IGF2R: variants seen among roughly 807,000 people sequenced by gnomAD.
IGF2R encodes the protein cation-independent mannose-6-phosphate receptor.
In IGF2R, 91 loss-of-function variants were observed where a neutral mutation model predicts 270.6. That is an observed-to-expected ratio of 0.34 (90% confidence interval 0.28 to 0.40). The LOEUF is 0.40. Among genes scored for constraint, IGF2R ranks in the 10% least tolerant of loss-of-function variants. The pLI is 1.00. For missense variants in IGF2R, 2,805 were observed against 3,188.3 expected, an observed-to-expected ratio of 0.88 and a Z score of 2.90; for synonymous variants, 1,316 against 1,258.9, an observed-to-expected ratio of 1.05 and a Z score of -0.96.
chr6:160,056,561 G>A (rs1417247567), intron 20 of IGF2R, 36 bp downstream of exon 20: 2 of 1,370,276 alleles, frequency 1.5e-6, no homozygotes, highest in Non-Finnish European at 1.0e-6. Flanking sequence ...GTGCTGAGCT[G>A]CCTGCTGGAC....
chr6:160,072,939 C>CCTCAGT (rs1778776121), intron 33 of IGF2R, 55 bp downstream of exon 33: 2 of 1,556,208 alleles, frequency 1.3e-6, no homozygotes, highest in Non-Finnish European at 1.7e-6. Context: ...CTGGGGTTGT[C>CCTCAGT]CTCAGTCTCT....
chr6:160,059,141 G>C (rs1778377262), intron 22 of IGF2R, 43 bp downstream of exon 22: 1 of 1,556,136 alleles, frequency 6.4e-7, no homozygotes, highest in Non-Finnish European at 8.8e-7. Context: ...AAAGGGCCCT[G>C]GTGGCTCTGT....
intron 1 of IGF2R, among the ~76,000 whole-genome samples, chr6:159,973,588 T>C (rs1197858020): frequency 6.6e-6 from 1 of 152,194 alleles, no homozygotes; most frequent in Non-Finnish European, 1.5e-5. Flanking sequence ...ATATGCCTAA[T>C]TTGGGCCACA....
intron 44 of IGF2R, among the ~76,000 whole-genome samples, chr6:160,092,812 C>T (rs1226460410): frequency 6.6e-6 from 1 of 152,226 alleles, no homozygotes; most frequent in Non-Finnish European, 1.5e-5. Context: ...CGTCTCCTAC[C>T]CTGCACTCTC....
Position 160,102,986 on chromosome 6 carries a change from C to T in IGF2R, c.6995+315C>T, listed in dbSNP as rs1384496243. On this transcript the variant is annotated intron_variant, in intron 46 of 47. Coordinates refer to ENST00000356956, the MANE Select transcript of IGF2R (RefSeq NM_000876.4). The surrounding 1 kb of genome is among the most constrained non-coding windows in gnomAD (Gnocchi z 4.5). ...ATGGGTGCCTTTTCCCACTGAGCAG[C>T]TGACCCCTCTGCCCTCCTCACATCA... is the stretch of plus-strand genomic sequence containing the variant. Among the ~76,000 whole-genome samples the T allele has an allele frequency of 6.6e-6, 1 of 152,188 alleles. No individual in the cohort carries two copies. The highest frequency in any genetic ancestry group is 6.5e-5 in the Admixed American group (1 of 15,282).
At chr6:160,022,285 C>G (rs1777455640) in intron 4 of IGF2R, among the ~76,000 whole-genome samples, 1 of 152,078 alleles carries the variant, frequency 6.6e-6, no homozygotes, top group Admixed American at 6.5e-5. Context: ...GAGAAATTTC[C>G]TAATGGGTAC....
In IGF2R at chr6:160,050,546, G is replaced by A. The variant is rs555046308; in HGVS notation, c.2588G>A (p.Gly863Asp). The A allele has an allele frequency of 5.0e-5, 80 of 1,614,082 alleles. No homozygotes were observed. The highest frequency in any genetic ancestry group is 2.3e-4 in the Admixed American group (14 of 60,014). ...ACCGGCCCGGTGGTTGAGGACAGCG[G>A]CAGCCTCCTTCTGGAATACGTGAAT... ...AKTGPVVEDS[G>D]SLLLEYVNGS... Residue 863 changes from glycine to aspartate, a missense_variant, in exon 19 of 48, where the codon GGC becomes GAC. This residue lies in a region of IGF2R where 1,851 missense variants were observed against 2,207.2 expected (regional missense o/e 0.84). Coordinates refer to ENST00000356956, the MANE Select transcript of IGF2R (RefSeq NM_000876.4). This position sits in a 1 kb window ranked among gnomAD's most constrained non-coding sequence, Gnocchi z 4.0.
rs758638135 is a variant in IGF2R at position 160,084,385 on chromosome 6, G to C, written c.6068+201G>C. On this transcript the variant is annotated intron_variant, in intron 40 of 47. Transcript: ENST00000356956. The surrounding 1 kb of genome is among the most constrained non-coding windows in gnomAD (Gnocchi z 4.6). ...CAGAGGGTGGTTCTGAGGTCAGAGT[G>C]GGGGCAGGAGCTTTGGTGACTGGAA... 2.0e-5 allele frequency among the ~76,000 whole-genome samples: 3 copies of C among 152,174 alleles called. No homozygotes were observed. Among genetic ancestry groups the C allele is most frequent in the Admixed American group, 6.5e-5 (1 of 15,278 alleles).
At position 160,110,982 on chromosome 6, in the gene IGF2R, T is replaced by A. The variant is rs1779727909; in HGVS notation, c.*5898T>A. 6.6e-6 allele frequency: 1 copy of A among 152,204 alleles called. No individual in the cohort carries two copies. The highest frequency in any genetic ancestry group is 2.1e-4 in the South Asian group (1 of 4,824). The allele number at this position is 152,204 out of a possible 1,614,324, so 9.4% of individuals were successfully genotyped here. A position where few individuals can be genotyped will look rare whatever the true frequency, so the allele number is the denominator to read the frequency against. ...GTTCAGCTATGCAACATGAATGAATTCTGGAGATCCACTGTGCAGCATGGT... is the reference window on the plus strand; with the variant it reads ...GTTCAGCTATGCAACATGAATGAATACTGGAGATCCACTGTGCAGCATGGT... On this transcript the variant is annotated 3_prime_UTR_variant, in exon 48 of 48. Transcript: ENST00000356956.
Position 160,087,276 on chromosome 6 carries a change from C to G in IGF2R, c.6206-757C>G, listed in dbSNP as rs577061416. ...TACTGGGAGGCTCACATGAGGGTAC[C>G]TGTCAGGAAAGCACCTAATATGATA... is the stretch of plus-strand genomic sequence containing the variant. On this transcript the variant is annotated intron_variant, in intron 41 of 47. Transcript: ENST00000356956. Among the ~76,000 whole-genome samples, 104 of 152,298 alleles carry G rather than the reference C, an allele frequency of 6.8e-4. 1 individual carries two copies. Among genetic ancestry groups the G allele is most frequent in the Non-Finnish European group, 1.2e-3 (80 of 68,032 alleles).
intron 4 of IGF2R, among the ~76,000 whole-genome samples, chr6:160,021,971 G>A (rs115109667): frequency 0.011 from 1,707 of 149,476 alleles, 37 homozygotes; most frequent in African/African-American, 0.04. Flanking sequence ...GCAAAGATAC[G>A]GAATAAACGT....
chr6:159,994,728 T>C (rs1356042610), intron 2 of IGF2R, among the ~76,000 whole-genome samples: 1 of 152,216 alleles, frequency 6.6e-6, no homozygotes, highest in African/African-American at 2.4e-5. Context: ...GGTTGTTTAA[T>C]GTTCATGTAT....
intron 44 of IGF2R, chr6:160,095,388 A>C (rs1779330934): frequency 6.6e-6 from 1 of 152,446 alleles, no homozygotes; most frequent in South Asian, 2.1e-4. Flanking sequence ...AGTTAGAAAG[A>C]TTAGTGTTAT....
chr6:160,009,034 C>T lies in IGF2R; in HGVS notation c.314C>T (p.Thr105Ile), dbSNP rs750393094. 5 of 1,613,876 alleles carry T rather than the reference C, an allele frequency of 3.1e-6. No homozygotes were observed. Among genetic ancestry groups the T allele is most frequent in the Non-Finnish European group, 3.4e-6 (4 of 1,179,778 alleles). Residue 105 changes from threonine (T) to isoleucine (I), a missense_variant, in exon 3 of 48, where the codon ACC becomes ATC. Around this residue, in one of 2 missense-constraint regions of IGF2R, gnomAD observed 954 missense variants for 981.1 expected, o/e 0.97. Coordinates refer to ENST00000356956, the MANE Select transcript of IGF2R (RefSeq NM_000876.4). ...SVGDSVLRSATRSLLEFNTTV... is the reference protein window; with the variant it reads ...SVGDSVLRSAIRSLLEFNTTV... ...GGTGACTCTGTTTTGAGAAGTGCAACCAGATCTCTCCTGGAATTCAACACA... is the reference window on the plus strand; with the variant it reads ...GGTGACTCTGTTTTGAGAAGTGCAATCAGATCTCTCCTGGAATTCAACACA...
intron 7 of IGF2R, 76 bp downstream of exon 7, chr6:160,029,731 T>TG (rs1777653245): frequency 2.1e-6 from 2 of 961,646 alleles, no homozygotes; most frequent in Non-Finnish European, 3.3e-6. Context: ...TTTCTGGGCT[T>TG]GGGGCAGGGT....
chr6:160,065,047 G>T, intron 29 of IGF2R, 146 bp downstream of exon 29: 1 of 630,782 alleles, frequency 1.6e-6, no homozygotes, highest in Non-Finnish European at 2.8e-6. Context: ...TGAGGAGTCG[G>T]GCTAGGTTAA....
intron 1 of IGF2R, 86 bp downstream of exon 1, chr6:159,969,481 C>G: frequency 1.0e-6 from 1 of 999,686 alleles, no homozygotes; most frequent in Non-Finnish European, 1.2e-6. Context: ...TCGAGGAGCT[C>G]CTGGGGTCTC....
chr6:160,009,484 T>C (rs963615680), intron 3 of IGF2R, among the ~76,000 whole-genome samples: 1 of 152,204 alleles, frequency 6.6e-6, no homozygotes, highest in Non-Finnish European at 1.5e-5. Flanking sequence ...TAGGGCAGCA[T>C]ATTTAGTTTT....
Position 160,032,512 on chromosome 6 carries a change from A to G in IGF2R, c.883-39A>G. ...GAAAATCTGCATTAAGCTGCATGAA[A>G]CATTTTTTATTTTGCTTCTTTCACA... On this transcript the variant is annotated intron_variant, in intron 7 of 47. Coordinates refer to ENST00000356956, the MANE Select transcript of IGF2R (RefSeq NM_000876.4). 1.9e-6 allele frequency: 3 copies of G among 1,587,918 alleles called. No individual in the cohort carries two copies. The South Asian group carries it at 3.4e-5, about 18-fold the overall frequency.
Sources: gnomAD v4.1 joint callset for allele counts (sites outside exome capture counted in the v4.1 genomes callset) on GRCh38, gnomAD v4.1.1 for gene constraint, gnomAD v4.1.1 regional missense constraint, Gnocchi (gnomAD v3.1) non-coding constraint, MANE v1.5 for transcripts, NCBI Gene and HGNC (gene_info 2026-07-23, HGNC 2026-07-21) for gene names.